Variants in GSE1 observed in about 807,000 individuals in gnomAD.
GSE1 encodes the protein Gse1 coiled-coil protein.
In GSE1, 32 loss-of-function variants were observed where a neutral mutation model predicts 112.6. That is an observed-to-expected ratio of 0.28 (90% CI 0.21 to 0.38). GSE1 has a LOEUF of 0.38. GSE1 is among the 10% of genes least tolerant of loss of function. The pLI is 1.00. For missense variants in GSE1, 2,348 were observed against 1,699.2 expected, an observed-to-expected ratio of 1.38 and a Z score of -6.71; for synonymous variants, 1,115 against 735.6, an observed-to-expected ratio of 1.52 and a Z score of -8.35.
chr16:85,467,014 A>G (rs1164915512), intron 2 of GSE1, among the ~76,000 whole-genome samples: 5 of 152,232 alleles, frequency 3.3e-5, no homozygotes, highest in Non-Finnish European at 7.3e-5. Context: ...GAGCTGAGAT[A>G]GCGCCACTGC....
At chr16:85,555,949 C>T, upstream of GSE1, 2 of 984,532 alleles carry the variant, frequency 2.0e-6, no homozygotes, top group Non-Finnish European at 2.4e-6. Flanking sequence ...GCCGCGCTCC[C>T]CCCTCCTTTT....
intron 13 of GSE1, 149 bp from the exon 14 acceptor site, chr16:85,667,991 G>A (rs2053015052): frequency 1.7e-6 from 1 of 582,474 alleles, no homozygotes; most frequent in African/African-American, 2.0e-5. Context: ...CTTGGGCTAG[G>A]TCCCTCCTCT....
chr16:85,253,210 C>T (rs1371353525), intron 1 of GSE1, among the ~76,000 whole-genome samples: 3 of 152,144 alleles, frequency 2.0e-5, no homozygotes, highest in Non-Finnish European at 4.4e-5. Flanking sequence ...CCAAGGCCTG[C>T]CTCGCCGCCG....
chr16:85,567,835 G>GTAGCTGGGAT, intron 1 of GSE1, among the ~76,000 whole-genome samples: 1 of 152,286 alleles, frequency 6.6e-6, no homozygotes, highest in Non-Finnish European at 1.5e-5. Flanking sequence ...TGATCCTCCT[G>GTAGCTGGGAT]CCTCAGCCTC....
chr16:85,456,589 T>C (rs1202964321), intron 2 of GSE1, among the ~76,000 whole-genome samples: 76 of 102,640 alleles, frequency 7.4e-4, no homozygotes, highest in African/African-American at 3.8e-3. Flanking sequence ...CGTGTGTGTG[T>C]GTGTGTGTGT....
At chr16:85,644,581 G>A (rs1397600047) in intron 2 of GSE1, among the ~76,000 whole-genome samples, 2 of 152,186 alleles carry the variant, frequency 1.3e-5, no homozygotes, top group African/African-American at 4.8e-5. Context: ...CACGCGGTGG[G>A]ATTCCCTTGA....
intron 2 of GSE1, among the ~76,000 whole-genome samples, chr16:85,539,883 A>G (rs916031603): frequency 1.3e-5 from 2 of 152,222 alleles, no homozygotes; most frequent in Non-Finnish European, 2.9e-5. Flanking sequence ...GGGTCATGGC[A>G]GGGAACAAAG....
intron 2 of GSE1, among the ~76,000 whole-genome samples, chr16:85,523,465 G>A (rs990997477): frequency 6.6e-6 from 1 of 152,220 alleles, no homozygotes; most frequent in Non-Finnish European, 1.5e-5. Flanking sequence ...CGTCCTGGTT[G>A]GGAGGAGTTG....
upstream of GSE1, among the ~76,000 whole-genome samples, chr16:85,611,862 A>C (rs1223917915): frequency 2.3e-5 from 1 of 42,748 alleles, no homozygotes. Context: ...TGGCGCGGGG[A>C]GGGGGAGGGA....
intron 1 of GSE1, among the ~76,000 whole-genome samples, chr16:85,329,040 G>A (rs184851415): frequency 6.4e-4 from 98 of 152,220 alleles, no homozygotes; most frequent in African/African-American, 2.0e-3. Context: ...CAGCTGCCCC[G>A]CCCCTAGTGG....
chr16:85,246,498 A>AC (rs1567636430), intron 1 of GSE1, among the ~76,000 whole-genome samples: 2 of 31,534 alleles, frequency 6.3e-5, no homozygotes, highest in Admixed American at 3.6e-4. Flanking sequence ...CACACTCTAC[A>AC]CACCCCCCCC....
intron 1 of GSE1, among the ~76,000 whole-genome samples, chr16:85,632,540 C>G (rs530483121): frequency 8.5e-5 from 13 of 152,290 alleles, no homozygotes; most frequent in African/African-American, 3.1e-4. Context: ...TGAGGGGGTC[C>G]TCTCCACGCT....
At chr16:85,253,161 A>G (rs1270906488) in intron 1 of GSE1, among the ~76,000 whole-genome samples, 2 of 148,340 alleles carry the variant, frequency 1.3e-5, no homozygotes, top group Non-Finnish European at 3.0e-5. Flanking sequence ...CGCGGGAATG[A>G]GCTGCCCACG....
At chr16:85,284,442 G>A (rs1216361701) in intron 1 of GSE1, among the ~76,000 whole-genome samples, 1 of 152,156 alleles carries the variant, frequency 6.6e-6, no homozygotes, top group South Asian at 2.1e-4. Flanking sequence ...CCTGCCCTGC[G>A]CTCAGCCTCT....
chr16:85,509,806 G>C (rs774654354), intron 2 of GSE1, among the ~76,000 whole-genome samples: 1 of 151,958 alleles, frequency 6.6e-6, no homozygotes, highest in Non-Finnish European at 1.5e-5. Flanking sequence ...TCCCTTCCTC[G>C]CCTCTGTCAG....
intron 2 of GSE1, among the ~76,000 whole-genome samples, chr16:85,443,253 C>A (rs1348267323): frequency 6.6e-6 from 1 of 152,218 alleles, no homozygotes; most frequent in Non-Finnish European, 1.5e-5. Context: ...CACACCATGG[C>A]CCGCCAGGCC....
rs796819003 is a variant in GSE1 at position 85,548,243 on chromosome 16, AAAAGAAAGAAAG to A, written c.2465-85655_2465-85644del. ...ACTCTTTCTCAAAAAAAAAAAAAAA[AAAAGAAAGAAAG>A]AAAGAAAGAAAGAAATATTCGAATT... On this transcript the variant is annotated intron_variant, in intron 2 of 2. Transcript: ENST00000637419. 6.7e-3 allele frequency among the ~76,000 whole-genome samples: 891 copies of A among 132,112 alleles called. 7 individuals carry two copies. Among genetic ancestry groups the A allele is most frequent in the African/African-American group, 0.023 (814 of 35,786 alleles). 86.7% of individuals were successfully genotyped at this position (132,112 alleles called of 152,430 possible).
At chr16:85,420,739 C>T (rs893962341) in intron 2 of GSE1, among the ~76,000 whole-genome samples, 1 of 152,210 alleles carries the variant, frequency 6.6e-6, no homozygotes, top group Non-Finnish European at 1.5e-5. Flanking sequence ...GCTGCCTTCC[C>T]TTGGGGAGCC....
intron 1 of GSE1, among the ~76,000 whole-genome samples, chr16:85,315,776 C>A (rs1249921466): frequency 6.6e-6 from 1 of 152,240 alleles, no homozygotes; most frequent in Admixed American, 6.5e-5. Flanking sequence ...CGTTGTTCAT[C>A]CGAAATGAAC....
Sources: gnomAD v4.1 joint callset for allele counts (sites outside exome capture counted in the v4.1 genomes callset) on GRCh38, gnomAD v4.1.1 for gene constraint, MANE v1.5 for transcripts, NCBI Gene and HGNC (gene_info 2026-07-23, HGNC 2026-07-21) for gene names.